The following RBM6 variants were observed in gnomAD, a reference collection of about 807,000 sequenced individuals.
RBM6 encodes the protein RNA-binding protein 6.
RBM6 carries 23 observed loss-of-function variants against 140.4 expected under a neutral mutation model. The observed-to-expected ratio is 0.16, with a 90% CI of 0.12 to 0.23. The LOEUF (loss-of-function observed/expected upper bound fraction) is 0.23. Ranked by LOEUF, RBM6 falls within the 10% of genes least tolerant of loss-of-function variation. The pLI is 1.00. For synonymous variants in RBM6, 439 were observed against 475.6 expected (o/e 0.92, Z 1.00); for missense variants, 1,139 against 1,386.7 (o/e 0.82, Z 2.84).
At chr3:50,010,340 G>A (rs1259160958) in intron 6 of RBM6, among the ~76,000 whole-genome samples, 2 of 152,156 alleles carry the variant, frequency 1.3e-5, no homozygotes, top group Non-Finnish European at 2.9e-5. Context: ...AGAAAAGGTG[G>A]TGTATCACAG....
intron 1 of RBM6, among the ~76,000 whole-genome samples, chr3:49,943,511 G>T (rs2083370810): frequency 6.6e-6 from 1 of 152,096 alleles, no homozygotes; most frequent in Non-Finnish European, 1.5e-5. Flanking sequence ...GTCTTGCCTT[G>T]TTGTCTAGGG....
intron 19 of RBM6, among the ~76,000 whole-genome samples, chr3:50,074,075 C>A (rs988429541): frequency 6.6e-6 from 1 of 152,136 alleles, no homozygotes; most frequent in Non-Finnish European, 1.5e-5. Flanking sequence ...GTGATCCACC[C>A]GCCTTGGCCT....
At chr3:50,039,587 A>G (rs961836062) in intron 6 of RBM6, among the ~76,000 whole-genome samples, 1 of 151,886 alleles carries the variant, frequency 6.6e-6, no homozygotes, top group Non-Finnish European at 1.5e-5. Context: ...AATTTTGACT[A>G]AGGTTTTTAT....
At chr3:49,984,604 T>TCG (rs1174605506) in intron 5 of RBM6, among the ~76,000 whole-genome samples, 1,287 of 96,492 alleles carry the variant, frequency 0.013, 10 homozygotes, top group African/African-American at 0.042. Context: ...TCACATCACA[T>TCG]CACATCACAT....
chr3:50,062,951 T>C (rs201121688), intron 15 of RBM6, among the ~76,000 whole-genome samples: 1 of 150,090 alleles, frequency 6.7e-6, no homozygotes, highest in East Asian at 2.0e-4. Flanking sequence ...TGGAGTGCAG[T>C]GGCATGATCA....
At chr3:50,015,517 G>A (rs1239984239) in intron 6 of RBM6, among the ~76,000 whole-genome samples, 5 of 150,382 alleles carry the variant, frequency 3.3e-5, no homozygotes, top group African/African-American at 9.8e-5. Flanking sequence ...TGCAAGCTCC[G>A]CCTCCTGGGT....
intron 1 of RBM6, among the ~76,000 whole-genome samples, chr3:49,945,881 CAAAAAAAA>C (rs67271820): frequency 5.5e-4 from 34 of 61,910 alleles, no homozygotes; most frequent in African/African-American, 6.1e-4. Context: ...GACTCCATCT[CAAAAAAAA>C]AAAAAAAAAA....
At chr3:50,027,306 G>C (rs1483658830) in intron 6 of RBM6, among the ~76,000 whole-genome samples, 1 of 152,108 alleles carries the variant, frequency 6.6e-6, no homozygotes, top group African/African-American at 2.4e-5. Flanking sequence ...AGCCCTGAAA[G>C]CTTTTTTTGT....
intron 17 of RBM6, 22 bp from the exon 18 acceptor site, chr3:50,068,668 A>G (rs768311007): frequency 6.2e-7 from 1 of 1,610,680 alleles, no homozygotes; most frequent in Admixed American, 1.7e-5. Flanking sequence ...ACCTATACTC[A>G]TAGAATTGCC....
chr3:50,059,768 C>G (rs377433976), intron 11 of RBM6, 22 bp downstream of exon 11: 77 of 1,583,818 alleles, frequency 4.9e-5, no homozygotes, highest in Non-Finnish European at 1.7e-5. Flanking sequence ...GGGTGAGGAT[C>G]TCTTGTGCTG....
intron 1 of RBM6, among the ~76,000 whole-genome samples, 181 bp from the exon 2 acceptor site, chr3:49,962,395 G>A (rs539968491): frequency 6.6e-6 from 1 of 151,376 alleles, no homozygotes; most frequent in Non-Finnish European, 1.5e-5. Flanking sequence ...TCATGCCTTT[G>A]CACTCCAGCC....
At chr3:50,067,275 A>G (rs11924670) in intron 17 of RBM6, among the ~76,000 whole-genome samples, 10,608 of 151,994 alleles carry the variant, frequency 0.07, 389 homozygotes, top group Non-Finnish European at 0.077. Flanking sequence ...TCATTAAAAC[A>G]GTCCAATTCA....
In RBM6 at chr3:50,076,058, T is replaced by A. The variant is rs144821815; in HGVS notation, c.3246+728T>A. Among the ~76,000 whole-genome samples, 15 of 151,714 alleles carry A rather than the reference T, an allele frequency of 9.9e-5. No individual in the cohort carries two copies. The East Asian group carries it at 3.0e-3, about 30-fold the overall frequency. On this transcript the variant is annotated intron_variant, in intron 20 of 20. Transcript: ENST00000266022. ...ATCTCAGCTCACTGCAACCTCCTCC[T>A]CCCAGGTTCAAGCAATTCTCCCACC...
At position 49,966,433 on chromosome 3, in the gene RBM6, A is replaced by C. The variant is rs570638850; in HGVS notation, c.45-1037A>C. Among the ~76,000 whole-genome samples, 8 of 152,306 alleles carry C rather than the reference A, an allele frequency of 5.3e-5. No individual in the cohort carries two copies. In the South Asian group the frequency reaches 1.7e-3, roughly 32 times the overall value. ...CTTAAACTAGTTTAGGGAATCTTGG[A>C]CTGAAGCCAAAACATGTAAAATGCC... On this transcript the variant is annotated intron_variant, in intron 2 of 20. Coordinates refer to ENST00000266022, the MANE Select transcript of RBM6 (RefSeq NM_005777.3).
chr3:50,041,790 AG>A, intron 6 of RBM6, among the ~76,000 whole-genome samples: 1 of 152,204 alleles, frequency 6.6e-6, no homozygotes, highest in East Asian at 1.9e-4. Flanking sequence ...TCAAGAAACA[AG>A]GGCTTTGTGG....
At chr3:49,998,087 C>T (rs1048687381) in intron 5 of RBM6, among the ~76,000 whole-genome samples, 1 of 152,160 alleles carries the variant, frequency 6.6e-6, no homozygotes, top group Non-Finnish European at 1.5e-5. Context: ...CAAGAATCAA[C>T]CTATACCATT....
At chr3:50,060,813 C>T in intron 11 of RBM6, 143 bp from the exon 12 acceptor site, 1 of 615,530 alleles carries the variant, frequency 1.6e-6, no homozygotes. Flanking sequence ...GTGTCTGGAC[C>T]ACCCAACCTG....
At chr3:50,058,210 A>G (rs181770099) in intron 9 of RBM6, among the ~76,000 whole-genome samples, 192 bp from the exon 10 acceptor site, 2 of 152,360 alleles carry the variant, frequency 1.3e-5, no homozygotes, top group East Asian at 3.8e-4. Context: ...ATATGAATGC[A>G]GTAAGGCATG....
intron 6 of RBM6, among the ~76,000 whole-genome samples, chr3:50,034,589 C>T (rs1222729007): frequency 6.6e-6 from 1 of 152,010 alleles, no homozygotes; most frequent in Admixed American, 6.6e-5. Context: ...GGCGAAACCC[C>T]ATCTCTACTA....
Sources: gnomAD v4.1 joint callset for allele counts (sites outside exome capture counted in the v4.1 genomes callset) on GRCh38, gnomAD v4.1.1 for gene constraint, MANE v1.5 for transcripts, NCBI Gene and HGNC (gene_info 2026-07-23, HGNC 2026-07-21) for gene names.